Variants in ADGRL3 observed in about 807,000 individuals in gnomAD.
ADGRL3 encodes the protein calcium-independent alpha-latrotoxin receptor 3.
In ADGRL3, 62 loss-of-function variants were observed where a neutral mutation model predicts 153.5. The ratio of observed to expected loss-of-function variants is 0.40; its 90% CI spans 0.33 to 0.50. The LOEUF (loss-of-function observed/expected upper bound fraction) is 0.50, where lower values mean the gene tolerates loss of function less well. Ranked by LOEUF, ADGRL3 falls within the 20% of genes least tolerant of loss-of-function variation. The pLI is 0.47. For synonymous variants in ADGRL3, 710 were observed against 672.5 expected, an observed-to-expected ratio of 1.06 and a Z score of -0.86; for missense variants, 1,641 against 1,859.4, an observed-to-expected ratio of 0.88 and a Z score of 2.16.
chr4:61,629,721 CAAAAAAAAAAAAAAAAAAAAAAAAA>C lies in ADGRL3; in HGVS notation c.473+42302_473+42326del, dbSNP rs59504485. On this transcript the variant is annotated intron_variant, in intron 5 of 26. Coordinates refer to ENST00000683033, the MANE Select transcript of ADGRL3 (RefSeq NM_001387552.1). ...GACAATGCAAGACTCCGTCTCGGGG[CAAAAAAAAAAAAAAAAAAAAAAAAA>C]AAAAAAAAAAAAAAAAAAAATTCCA... Among the ~76,000 whole-genome samples the C allele has an allele frequency of 9.0e-3, 300 of 33,434 alleles. 1 individual carries two copies. The highest frequency in any genetic ancestry group is 0.032 in the East Asian group (29 of 898). 21.9% of individuals were successfully genotyped at this position (33,434 alleles called of 152,430 possible).
intron 5 of ADGRL3, among the ~76,000 whole-genome samples, chr4:61,671,545 T>G (rs568414385): frequency 6.6e-6 from 1 of 152,344 alleles, no homozygotes; most frequent in African/African-American, 2.4e-5. Flanking sequence ...ATCTTTTTGA[T>G]TGCAGAAAAG....
intron 2 of ADGRL3, among the ~76,000 whole-genome samples, chr4:61,405,774 C>T (rs1440842536): frequency 1.3e-5 from 2 of 151,834 alleles, no homozygotes; most frequent in Admixed American, 6.6e-5. Flanking sequence ...ATGTTTTCCA[C>T]GTGGCCTAAT....
At chr4:61,895,407 G>A (rs773597250) in intron 10 of ADGRL3, among the ~76,000 whole-genome samples, 3 of 151,782 alleles carry the variant, frequency 2.0e-5, no homozygotes, top group African/African-American at 7.3e-5. Context: ...CAGAGGTTGC[G>A]GTGAGCCGAG....
intron 2 of ADGRL3, among the ~76,000 whole-genome samples, chr4:61,481,740 G>A (rs1422808322): frequency 1.3e-5 from 2 of 151,490 alleles, no homozygotes; most frequent in Non-Finnish European, 2.9e-5. Flanking sequence ...GAAAAAGAAA[G>A]AAGGAACTGT....
chr4:61,221,701 G>A (rs962174065), intron 1 of ADGRL3, among the ~76,000 whole-genome samples: 1 of 151,862 alleles, frequency 6.6e-6, no homozygotes. Flanking sequence ...TTTCTGAGTA[G>A]TATATTAAAA....
Position 61,731,082 on chromosome 4 carries a change from A to C in ADGRL3, c.598+446A>C, listed in dbSNP as rs544726376. ...GATGGTTATTTAGCATAAAGCTTAT[A>C]TACAATTTTGATAACAATGGATACT... On this transcript the variant is annotated intron_variant, in intron 7 of 26. Coordinates refer to ENST00000683033, the MANE Select transcript of ADGRL3 (RefSeq NM_001387552.1). Among the ~76,000 whole-genome samples, 5 of 152,162 alleles carry C rather than the reference A, an allele frequency of 3.3e-5. No homozygotes were observed. In the South Asian group the frequency reaches 8.3e-4, roughly 25 times the overall value.
At chr4:61,968,129 A>T (rs2099013537) in intron 17 of ADGRL3, among the ~76,000 whole-genome samples, 1 of 152,212 alleles carries the variant, frequency 6.6e-6, no homozygotes, top group South Asian at 2.1e-4. Context: ...TTAAGTTTCC[A>T]ACTTAAGAAC....
chr4:61,506,536 C>T (rs2098430610), intron 3 of ADGRL3, among the ~76,000 whole-genome samples: 1 of 152,018 alleles, frequency 6.6e-6, no homozygotes, highest in South Asian at 2.1e-4. Context: ...AAGCTTAGAT[C>T]AGCATTCAAA....
At chr4:61,993,377 C>T (rs2099110596) in intron 19 of ADGRL3, among the ~76,000 whole-genome samples, 1 of 143,124 alleles carries the variant, frequency 7.0e-6, no homozygotes, top group African/African-American at 2.6e-5. Flanking sequence ...ACTGCAACCT[C>T]TGCCCCCAGA....
intron 1 of ADGRL3, among the ~76,000 whole-genome samples, chr4:61,265,388 T>C (rs1170581461): frequency 6.6e-6 from 1 of 151,872 alleles, no homozygotes. Flanking sequence ...GCCTGATGAT[T>C]CTGGGCTGTC....
At chr4:61,659,525 A>G (rs1236620947) in intron 5 of ADGRL3, among the ~76,000 whole-genome samples, 1 of 152,204 alleles carries the variant, frequency 6.6e-6, no homozygotes, top group African/African-American at 2.4e-5. Context: ...CTATTTAAAA[A>G]ACAGGTCTTA....
intron 6 of ADGRL3, among the ~76,000 whole-genome samples, chr4:61,691,192 G>A (rs529851251): frequency 1.3e-4 from 20 of 152,286 alleles, no homozygotes; most frequent in Middle Eastern, 6.8e-3. Context: ...GAGAATTTAT[G>A]ACGAATTATA....
rs561078921 is a variant in ADGRL3, at chr4:61,848,145, A to G, written c.1480+34256A>G. Among the ~76,000 whole-genome samples, 10 of 126,394 alleles carry G rather than the reference A, an allele frequency of 7.9e-5. No individual in the cohort carries two copies. The East Asian group carries it at 1.7e-3, about 21-fold the overall frequency. 82.9% of individuals were successfully genotyped at this position (126,394 alleles called of 152,430 possible). On this transcript the variant is annotated intron_variant, in intron 9 of 26. Transcript: ENST00000683033. ...GAGGAGCAGACTTTTAAAATCATGT[A>G]TCACAAATTTTATCATATGAACTGG...
intron 1 of ADGRL3, among the ~76,000 whole-genome samples, chr4:61,310,561 T>C (rs1231766581): frequency 6.6e-6 from 1 of 152,094 alleles, no homozygotes; most frequent in African/African-American, 2.4e-5. Flanking sequence ...AGAGAATATT[T>C]TGGAAGAATT....
intron 8 of ADGRL3, among the ~76,000 whole-genome samples, chr4:61,788,895 A>T (rs2152423446): frequency 6.6e-6 from 1 of 152,330 alleles, no homozygotes; most frequent in African/African-American, 2.4e-5. Flanking sequence ...ATAATGTCAT[A>T]GTAAAAATAA....
chr4:61,759,486 G>T (rs189491371), intron 8 of ADGRL3, among the ~76,000 whole-genome samples: 3 of 151,968 alleles, frequency 2.0e-5, no homozygotes, highest in Non-Finnish European at 4.4e-5. Context: ...TTGTGCATTC[G>T]TCACATAGTT....
intron 5 of ADGRL3, among the ~76,000 whole-genome samples, chr4:61,593,190 T>G (rs2098976340): frequency 6.6e-6 from 1 of 152,194 alleles, no homozygotes; most frequent in Admixed American, 6.5e-5. Context: ...TCTCTTTATG[T>G]CTTATTGTGC....
At chr4:61,549,614 TTA>T (rs1386630446) in intron 4 of ADGRL3, among the ~76,000 whole-genome samples, 1 of 127,022 alleles carries the variant, frequency 7.9e-6, no homozygotes, top group Non-Finnish European at 1.7e-5. Flanking sequence ...ATGTTATTTT[TTA>T]TGTTTTTTTT....
chr4:61,576,237 A>C (rs1248165313), intron 4 of ADGRL3, among the ~76,000 whole-genome samples: 1 of 151,966 alleles, frequency 6.6e-6, no homozygotes, highest in African/African-American at 2.4e-5. Context: ...GTTTCTTTCT[A>C]AACCAGCTAC....
Sources: allele counts gnomAD v4.1 joint callset (sites outside exome capture counted in the v4.1 genomes callset), GRCh38; gene constraint gnomAD v4.1.1; transcripts MANE v1.5; gene names NCBI Gene and HGNC (gene_info 2026-07-23, HGNC 2026-07-21).